The following ST3GAL2 variants were observed in gnomAD, a reference collection of about 807,000 sequenced individuals.
ST3GAL2 encodes the protein CMP-N-acetylneuraminate-beta-galactosamide-alpha-2,3-sialyltransferase 2.
Under a neutral mutation model 37.5 loss-of-function variants are expected in ST3GAL2, and 16 were observed. That is an observed-to-expected ratio of 0.43 (90% CI 0.29 to 0.65). The LOEUF (loss-of-function observed/expected upper bound fraction) is 0.65, where lower values mean the gene tolerates loss of function less well. ST3GAL2 is among the 30% of genes least tolerant of loss of function. ST3GAL2 has a pLI of 0.17. For synonymous variants in ST3GAL2, 238 were observed against 202.9 expected (o/e 1.17, Z -1.47); for missense variants, 383 against 487.8 (o/e 0.79, Z 2.02).
At position 70,377,479 on chromosome 16, in the gene ST3GAL2, GAAA is replaced by G. The variant is rs779676975; in HGVS notation, c.*4207_*4209del. 2.3e-4 allele frequency: 20 copies of G among 86,880 alleles called. No individual in the cohort carries two copies. Among genetic ancestry groups the G allele is most frequent in the East Asian group, 2.0e-3 (5 of 2,556 alleles). 5.4% of individuals were successfully genotyped at this position (86,880 alleles called of 1,614,324 possible). A position where few individuals can be genotyped will look rare whatever the true frequency, so the allele number is the denominator to read the frequency against. ...TGGGCAATGGAGAGAGACTCCATCTGAAAAAAAAAAAAAAAAAAGAGAAAAGCC... is the reference window on the plus strand; with the variant it reads ...TGGGCAATGGAGAGAGACTCCATCTGAAAAAAAAAAAAAAAGAGAAAAGCC... On this transcript the variant is annotated 3_prime_UTR_variant, in exon 7 of 7. Transcript: ENST00000342907.
intron 1 of ST3GAL2, among the ~76,000 whole-genome samples, chr16:70,412,178 T>C: frequency 6.6e-6 from 1 of 152,142 alleles, no homozygotes; most frequent in East Asian, 1.9e-4. Flanking sequence ...TGTCCAAAAA[T>C]ACCTTTATTT....
At chr16:70,409,740 A>T (rs1307803490) in intron 1 of ST3GAL2, among the ~76,000 whole-genome samples, 1 of 151,656 alleles carries the variant, frequency 6.6e-6, no homozygotes, top group African/African-American at 2.4e-5. Context: ...ACCTGGGCTC[A>T]AATGATCCTA....
chr16:70,430,512 A>G (rs1292824324), intron 1 of ST3GAL2, among the ~76,000 whole-genome samples: 3 of 152,140 alleles, frequency 2.0e-5, no homozygotes, highest in Non-Finnish European at 4.4e-5. Context: ...CTAAGGAAGT[A>G]CCAGTGTTGG....
At chr16:70,435,402 C>G (rs1476042578) in intron 1 of ST3GAL2, among the ~76,000 whole-genome samples, 4 of 151,898 alleles carry the variant, frequency 2.6e-5, no homozygotes, top group African/African-American at 9.7e-5. Flanking sequence ...TTGAGACCAG[C>G]CTGACCAACA....
At chr16:70,412,536 C>T (rs2047646363) in intron 1 of ST3GAL2, among the ~76,000 whole-genome samples, 1 of 152,086 alleles carries the variant, frequency 6.6e-6, no homozygotes, top group Non-Finnish European at 1.5e-5. Flanking sequence ...CCCAGCTACT[C>T]AGGAGGCTGA....
chr16:70,399,884 G>C (rs1459546221), intron 1 of ST3GAL2: 1 of 153,924 alleles, frequency 6.5e-6, no homozygotes, highest in Non-Finnish European at 1.4e-5. Context: ...GAAGATTCCA[G>C]GGGACTATGG....
intron 4 of ST3GAL2, 72 bp from the exon 5 acceptor site, chr16:70,383,307 T>TC (rs2047419071): frequency 6.9e-7 from 1 of 1,458,584 alleles, no homozygotes; most frequent in Non-Finnish European, 9.2e-7. Flanking sequence ...TCCCAGCACT[T>TC]TGGGAGGCTG....
In ST3GAL2 at chr16:70,380,209, G is replaced by A. The variant is rs2047387817; in HGVS notation, c.*1480C>T. 1 of 152,128 alleles carries A rather than the reference G, an allele frequency of 6.6e-6. No homozygotes were observed. Among genetic ancestry groups the A allele is most frequent in the South Asian group, 2.1e-4 (1 of 4,822 alleles). 9.4% of individuals were successfully genotyped at this position (152,128 alleles called of 1,614,324 possible). A position where few individuals can be genotyped will look rare whatever the true frequency, so the allele number is the denominator to read the frequency against. On this transcript the variant is annotated 3_prime_UTR_variant, in exon 7 of 7. Transcript: ENST00000342907. ...TTGGAAAGAACGACACTCGAGCTAGGTTCCAATATATTAACTTTCAGGGGC... is the reference window on the plus strand; with the variant it reads ...TTGGAAAGAACGACACTCGAGCTAGATTCCAATATATTAACTTTCAGGGGC...
chr16:70,382,960 T>C (rs2047416525), intron 5 of ST3GAL2, 36 bp from the exon 6 acceptor site: 1 of 1,606,906 alleles, frequency 6.2e-7, no homozygotes, highest in Admixed American at 1.7e-5. Flanking sequence ...TATGAGGGGT[T>C]TAGGGGCAGA....
intron 6 of ST3GAL2, among the ~76,000 whole-genome samples, 187 bp from the exon 7 acceptor site, chr16:70,382,049 TC>T (rs1567664284): frequency 7.3e-6 from 1 of 137,184 alleles, no homozygotes. Flanking sequence ...TGCAAATTCC[TC>T]CTTTTTTTTT....
intron 1 of ST3GAL2, among the ~76,000 whole-genome samples, chr16:70,415,197 T>C (rs1597570862): frequency 1.3e-5 from 2 of 152,214 alleles, no homozygotes; most frequent in Admixed American, 1.3e-4. Flanking sequence ...TTAGCAGAGA[T>C]GGGCTTTCGC....
intron 1 of ST3GAL2, among the ~76,000 whole-genome samples, chr16:70,424,223 G>A (rs922128206): frequency 5.7e-5 from 8 of 141,356 alleles, no homozygotes; most frequent in South Asian, 2.6e-4. Context: ...TCGAACTCCC[G>A]ACCTCAGGTG....
intron 1 of ST3GAL2, among the ~76,000 whole-genome samples, chr16:70,413,296 G>A (rs569459819): frequency 6.7e-6 from 1 of 150,250 alleles, no homozygotes; most frequent in Non-Finnish European, 1.5e-5. Flanking sequence ...AGTGCCTACA[G>A]CCCTAGCTAC....
intron 1 of ST3GAL2, among the ~76,000 whole-genome samples, chr16:70,405,799 G>A (rs555786569): frequency 1.3e-5 from 2 of 151,620 alleles, no homozygotes; most frequent in East Asian, 2.0e-4. Flanking sequence ...GGTGGCTCAC[G>A]CCTGTAATCC....
chr16:70,428,603 C>T (rs748406770), intron 1 of ST3GAL2, among the ~76,000 whole-genome samples: 6 of 152,236 alleles, frequency 3.9e-5, no homozygotes, highest in Non-Finnish European at 7.3e-5. Context: ...TCCTATCCCT[C>T]CCTCTTGGAC....
rs548521172 is a variant in ST3GAL2 at position 70,378,700 on chromosome 16, A to C, written c.*2989T>G. 3 of 139,332 alleles carry C rather than the reference A, an allele frequency of 2.2e-5. No individual in the cohort carries two copies. The East Asian group carries it at 6.2e-4, about 29-fold the overall frequency. 8.6% of individuals were successfully genotyped at this position (139,332 alleles called of 1,614,324 possible). A position where few individuals can be genotyped will look rare whatever the true frequency, so the allele number is the denominator to read the frequency against. ...CTGGGCGAGAGTGAGAATCAGTCTC[A>C]AAAAAAAAAAATCGGCCAGGCACAC... On this transcript the variant is annotated 3_prime_UTR_variant, in exon 7 of 7. Transcript: ENST00000342907.
intron 1 of ST3GAL2, chr16:70,422,826 C>G (rs2047724455): frequency 6.6e-6 from 1 of 152,284 alleles, no homozygotes; most frequent in African/African-American, 2.4e-5. Flanking sequence ...CGCTGCTAAG[C>G]TCTTACTACA....
Position 70,378,607 on chromosome 16 carries a change from C to G in ST3GAL2, c.*3082G>C, listed in dbSNP as rs1469099266. 6.8e-6 allele frequency: 1 copy of G among 146,306 alleles called. No individual in the cohort carries two copies. The highest frequency in any genetic ancestry group is 1.5e-5 in the Non-Finnish European group (1 of 66,790). 9.1% of individuals were successfully genotyped at this position (146,306 alleles called of 1,614,324 possible). A position where few individuals can be genotyped will look rare whatever the true frequency, so the allele number is the denominator to read the frequency against. Reference sequence around the variant, plus strand: ...GTCTCAGCTACTCGGGAGACTGAGGCAGGAGAATGGCGTGAACCCGGGAGG... The same window carrying G: ...GTCTCAGCTACTCGGGAGACTGAGGGAGGAGAATGGCGTGAACCCGGGAGG... On this transcript the variant is annotated 3_prime_UTR_variant, in exon 7 of 7. Coordinates refer to ENST00000342907, the MANE Select transcript of ST3GAL2 (RefSeq NM_006927.4).
chr16:70,394,878 C>T (rs2047504607), intron 3 of ST3GAL2, 104 bp downstream of exon 3: 4 of 1,351,160 alleles, frequency 3.0e-6, no homozygotes, highest in African/African-American at 3.0e-5. Flanking sequence ...CCCCACAGCA[C>T]ACCGGTAGCT....
Sources: gnomAD v4.1 joint callset for allele counts (sites outside exome capture counted in the v4.1 genomes callset) on GRCh38, gnomAD v4.1.1 for gene constraint, MANE v1.5 for transcripts, NCBI Gene and HGNC (gene_info 2026-07-23, HGNC 2026-07-21) for gene names.